DLG2: variants seen among roughly 807,000 people sequenced by gnomAD.
DLG2 encodes discs large MAGUK scaffold protein 2, also known as disks large homolog 2.
In DLG2, 45 loss-of-function variants were observed where a neutral mutation model predicts 132.5. The observed-to-expected ratio is 0.34, with a 90% CI of 0.27 to 0.44. DLG2 has a LOEUF of 0.44. DLG2 is among the 20% of genes least tolerant of loss of function. DLG2 has a pLI of 1.00. For synonymous variants in DLG2, 424 were observed against 419.6 expected, an observed-to-expected ratio of 1.01 and a Z score of -0.13; for missense variants, 1,045 against 1,196.9, an observed-to-expected ratio of 0.87 and a Z score of 1.87.
intron 18 of DLG2, among the ~76,000 whole-genome samples, chr11:83,714,952 A>G (rs1212155682): frequency 2.0e-5 from 3 of 152,342 alleles, no homozygotes; most frequent in East Asian, 3.9e-4. Context: ...CTATAAAGAC[A>G]CATGCACACA....
At chr11:85,419,824 A>C (rs2090152029) in intron 3 of DLG2, among the ~76,000 whole-genome samples, 1 of 152,150 alleles carries the variant, frequency 6.6e-6, no homozygotes, top group Non-Finnish European at 1.5e-5. Context: ...TCTAGTTAGC[A>C]ATTCATCTAA....
intron 3 of DLG2, among the ~76,000 whole-genome samples, chr11:85,479,387 C>T (rs1018976127): frequency 3.3e-5 from 5 of 152,196 alleles, no homozygotes; most frequent in African/African-American, 7.2e-5. Context: ...AGGCACAAAT[C>T]TCATTCATGA....
chr11:84,252,140 C>CTT lies in DLG2; in HGVS notation c.520-851_520-850dup, dbSNP rs1176873990. On this transcript the variant is annotated intron_variant, in intron 7 of 27. Coordinates refer to ENST00000376104, the MANE Select transcript of DLG2 (RefSeq NM_001142699.3). ...GCTGTATCCTGTATTTTCTTTCTTT[C>CTT]TTTTTTTTTTTTTTTTTTTTTTTTT... Among the ~76,000 whole-genome samples, 75 of 65,350 alleles carry CTT rather than the reference C, an allele frequency of 1.1e-3. 1 individual carries two copies. The highest frequency in any genetic ancestry group is 1.7e-3 in the African/African-American group (25 of 14,548). 42.9% of individuals were successfully genotyped at this position (65,350 alleles called of 152,430 possible).
At chr11:84,806,438 G>T (rs2076012084) in intron 6 of DLG2, among the ~76,000 whole-genome samples, 1 of 152,090 alleles carries the variant, frequency 6.6e-6, no homozygotes, top group South Asian at 2.1e-4. Flanking sequence ...CAGCAAGAGA[G>T]AAATGACATT....
intron 7 of DLG2, among the ~76,000 whole-genome samples, chr11:84,279,663 A>G (rs1176878961): frequency 1.3e-5 from 2 of 152,218 alleles, no homozygotes; most frequent in African/African-American, 2.4e-5. Flanking sequence ...TTGCAGGGAC[A>G]TGGATGAAGA....
intron 6 of DLG2, among the ~76,000 whole-genome samples, chr11:84,856,029 A>T (rs1443417259): frequency 6.6e-6 from 1 of 152,050 alleles, no homozygotes; most frequent in Non-Finnish European, 1.5e-5. Context: ...AAATGGTCAC[A>T]GAGGGTTGCA....
chr11:84,636,847 T>C (rs1254817377), intron 6 of DLG2, among the ~76,000 whole-genome samples: 1 of 152,080 alleles, frequency 6.6e-6, no homozygotes, highest in Non-Finnish European at 1.5e-5. Flanking sequence ...AGTGGCACGA[T>C]TTTGGCACAC....
At chr11:84,840,306 G>C (rs1176724688) in intron 6 of DLG2, among the ~76,000 whole-genome samples, 2 of 152,132 alleles carry the variant, frequency 1.3e-5, no homozygotes, top group Non-Finnish European at 2.9e-5. Flanking sequence ...CTTCACACCA[G>C]TTAGAATGGC....
chr11:83,561,617 T>C (rs760834911), intron 19 of DLG2, among the ~76,000 whole-genome samples: 9 of 152,190 alleles, frequency 5.9e-5, no homozygotes, highest in Non-Finnish European at 1.2e-4. Context: ...TTTTTAAGAA[T>C]CACATACAGT....
At chr11:84,309,452 T>C (rs1207522954) in intron 7 of DLG2, among the ~76,000 whole-genome samples, 1 of 152,180 alleles carries the variant, frequency 6.6e-6, no homozygotes, top group Non-Finnish European at 1.5e-5. Flanking sequence ...AATTCCGAGT[T>C]TAAGGACATG....
At chr11:84,040,162 T>G (rs1372544017) in intron 11 of DLG2, among the ~76,000 whole-genome samples, 1 of 150,344 alleles carries the variant, frequency 6.7e-6, no homozygotes, top group Non-Finnish European at 1.5e-5. Flanking sequence ...TTCTCCCATT[T>G]TGTAGGTTGC....
intron 19 of DLG2, among the ~76,000 whole-genome samples, chr11:83,588,426 C>G (rs369534102): frequency 5.2e-4 from 79 of 152,108 alleles, no homozygotes; most frequent in East Asian, 2.1e-3. Flanking sequence ...TGAGGGTCCT[C>G]TCTGTTAGAA....
At chr11:84,275,884 T>G (rs1370556498) in intron 7 of DLG2, among the ~76,000 whole-genome samples, 1 of 152,188 alleles carries the variant, frequency 6.6e-6, no homozygotes, top group East Asian at 1.9e-4. Flanking sequence ...GATTTAGCAC[T>G]TTGCTAGAGT....
At chr11:85,165,991 A>C (rs563541886) in intron 4 of DLG2, among the ~76,000 whole-genome samples, 2 of 152,128 alleles carry the variant, frequency 1.3e-5, no homozygotes, top group South Asian at 4.2e-4. Context: ...CTGCCCACTC[A>C]TCCTTTCAAA....
intron 6 of DLG2, among the ~76,000 whole-genome samples, chr11:85,049,931 C>A (rs760183248): frequency 3.3e-5 from 5 of 151,998 alleles, no homozygotes; most frequent in African/African-American, 9.7e-5. Flanking sequence ...ATTTCTCATT[C>A]CCTTTCCAAT....
intron 18 of DLG2, among the ~76,000 whole-genome samples, chr11:83,672,260 C>T (rs1482041876): frequency 1.3e-5 from 2 of 152,072 alleles, no homozygotes; most frequent in African/African-American, 4.8e-5. Flanking sequence ...TCTCAGCTCA[C>T]CGCAACCTCT....
At chr11:84,399,716 C>T (rs1275209315) in intron 7 of DLG2, among the ~76,000 whole-genome samples, 1 of 152,160 alleles carries the variant, frequency 6.6e-6, no homozygotes, top group African/African-American at 2.4e-5. Context: ...TGTGCCTGAC[C>T]CATGATAGCA....
At chr11:84,876,623 CA>C (rs529147221) in intron 6 of DLG2, among the ~76,000 whole-genome samples, 1 of 151,914 alleles carries the variant, frequency 6.6e-6, no homozygotes, top group Non-Finnish European at 1.5e-5. Context: ...TTAATCTTTT[CA>C]AAAAAACAGC....
chr11:84,878,209 T>C (rs1046853631), intron 6 of DLG2, among the ~76,000 whole-genome samples: 1 of 152,194 alleles, frequency 6.6e-6, no homozygotes, highest in African/African-American at 2.4e-5. Flanking sequence ...ATCCCATTAC[T>C]GGGTATATAC....
Sources: gnomAD v4.1 joint callset for allele counts (sites outside exome capture counted in the v4.1 genomes callset) on GRCh38, gnomAD v4.1.1 for gene constraint, MANE v1.5 for transcripts, NCBI Gene and HGNC (gene_info 2026-07-23, HGNC 2026-07-21) for gene names.